The following ST6GALNAC3 variants were observed in gnomAD, a reference collection of about 807,000 sequenced individuals.
The protein encoded by ST6GALNAC3 is ST6 N-acetylgalactosaminide alpha-2,6-sialyltransferase 3.
A neutral mutation model predicts 32.7 loss-of-function variants in ST6GALNAC3; 25 were observed. That is an observed-to-expected ratio of 0.76 (90% confidence interval 0.56 to 1.07). ST6GALNAC3 has a LOEUF of 1.07. Among genes scored for constraint, ST6GALNAC3 ranks in the 50% least tolerant of loss-of-function variants. The pLI, the probability that ST6GALNAC3 is intolerant of heterozygous loss-of-function variation, is 0.00. For synonymous variants in ST6GALNAC3, 129 were observed against 133.1 expected (o/e 0.97, Z 0.21); for missense variants, 355 against 382.4 (o/e 0.93, Z 0.60).
intron 2 of ST6GALNAC3, among the ~76,000 whole-genome samples, chr1:76,374,801 A>C (rs553015709): frequency 7.2e-5 from 11 of 152,102 alleles, no homozygotes; most frequent in Non-Finnish European, 1.0e-4. Flanking sequence ...TTCAATCAAC[A>C]TTTTTATTCG....
chr1:76,554,957 T>C (rs748901984), intron 3 of ST6GALNAC3, among the ~76,000 whole-genome samples: 1 of 152,120 alleles, frequency 6.6e-6, no homozygotes, highest in African/African-American at 2.4e-5. Context: ...GAAACTGAGG[T>C]TCAAAACAGT....
At chr1:76,125,839 C>G (rs938889447) in intron 1 of ST6GALNAC3, among the ~76,000 whole-genome samples, 5 of 152,148 alleles carry the variant, frequency 3.3e-5, no homozygotes, top group Non-Finnish European at 5.9e-5. Context: ...CAGGATATGC[C>G]ATTTATGTTC....
At chr1:76,605,111 TAGAC>T (rs1647437614) in intron 3 of ST6GALNAC3, among the ~76,000 whole-genome samples, 1 of 152,190 alleles carries the variant, frequency 6.6e-6, no homozygotes, top group African/African-American at 2.4e-5. Context: ...ATACAGGTGA[TAGAC>T]AGCCTGTTAA....
At position 76,529,354 on chromosome 1, in the gene ST6GALNAC3, C is replaced by T. The variant is rs186200086; in HGVS notation, c.624-98098C>T. ...AGAAGCAGGAACCTTTTCTGTCTCACATGGATGTTGTAGGGATTAATGAAC... is the reference window on the plus strand; with the variant it reads ...AGAAGCAGGAACCTTTTCTGTCTCATATGGATGTTGTAGGGATTAATGAAC... On this transcript the variant is annotated intron_variant, in intron 3 of 4. Coordinates refer to ENST00000328299, the MANE Select transcript of ST6GALNAC3 (RefSeq NM_152996.4). 4.8e-4 allele frequency among the ~76,000 whole-genome samples: 73 copies of T among 152,184 alleles called. No individual in the cohort carries two copies. In the Middle Eastern group the frequency reaches 0.014, roughly 28 times the overall value.
chr1:76,168,001 AT>A (rs1264688305), intron 1 of ST6GALNAC3, among the ~76,000 whole-genome samples: 2 of 151,664 alleles, frequency 1.3e-5, no homozygotes, highest in African/African-American at 4.8e-5. Context: ...CTCAGCTCTG[AT>A]TTTGGTTATT....
intron 3 of ST6GALNAC3, among the ~76,000 whole-genome samples, chr1:76,521,841 G>A (rs968030344): frequency 6.6e-6 from 1 of 152,140 alleles, no homozygotes; most frequent in Non-Finnish European, 1.5e-5. Flanking sequence ...GGCCGAGGCA[G>A]GTGGATTGCC....
At chr1:76,468,027 T>C (rs1280933986) in intron 3 of ST6GALNAC3, among the ~76,000 whole-genome samples, 1 of 151,932 alleles carries the variant, frequency 6.6e-6, no homozygotes, top group Admixed American at 6.6e-5. Context: ...ATTTTCTTTT[T>C]TTCTAAAATT....
chr1:76,309,344 C>A (rs907227279), intron 1 of ST6GALNAC3, among the ~76,000 whole-genome samples: 4 of 152,106 alleles, frequency 2.6e-5, no homozygotes, highest in Non-Finnish European at 5.9e-5. Flanking sequence ...GATGTAAATT[C>A]TTTAGTATGT....
At chr1:76,490,098 G>A (rs1376645856) in intron 3 of ST6GALNAC3, among the ~76,000 whole-genome samples, 1 of 152,114 alleles carries the variant, frequency 6.6e-6, no homozygotes, top group South Asian at 2.1e-4. Flanking sequence ...CTGGGAGTTA[G>A]GGGTCAGTTA....
chr1:76,328,472 G>T (rs1647123233), intron 2 of ST6GALNAC3, among the ~76,000 whole-genome samples: 1 of 152,104 alleles, frequency 6.6e-6, no homozygotes, highest in African/African-American at 2.4e-5. Context: ...TTGCCATCTT[G>T]CTGATGAATT....
At chr1:76,249,050 G>C (rs895088489) in intron 1 of ST6GALNAC3, among the ~76,000 whole-genome samples, 2 of 152,182 alleles carry the variant, frequency 1.3e-5, no homozygotes, top group African/African-American at 4.8e-5. Context: ...GTGACCCTGA[G>C]AGATTAGGGT....
intron 3 of ST6GALNAC3, among the ~76,000 whole-genome samples, chr1:76,586,028 G>A (rs1224636229): frequency 6.6e-6 from 1 of 152,128 alleles, no homozygotes; most frequent in African/African-American, 2.4e-5. Context: ...CTTCTGACGA[G>A]GCCACGGGCT....
Position 76,351,201 on chromosome 1 carries a change from A to G in ST6GALNAC3, c.213+37202A>G, listed in dbSNP as rs141640640. ...CATTAGGCTTATGCTGGTTTTATAA[A>G]ATGAATAACTTTCTATCTTTTTGTT... On this transcript the variant is annotated intron_variant, in intron 2 of 4. Transcript: ENST00000328299. Among the ~76,000 whole-genome samples the G allele has an allele frequency of 2.4e-3, 368 of 152,284 alleles. 2 individuals carry two copies. The highest frequency in any genetic ancestry group is 0.01 in the Middle Eastern group (3 of 294).
chr1:76,142,085 G>A (rs1405975684), intron 1 of ST6GALNAC3, among the ~76,000 whole-genome samples: 1 of 152,180 alleles, frequency 6.6e-6, no homozygotes, highest in African/African-American at 2.4e-5. Flanking sequence ...GGGGGATGGA[G>A]CATTTAGTCA....
chr1:76,244,199 C>G (rs1299358554), intron 1 of ST6GALNAC3, among the ~76,000 whole-genome samples: 1 of 151,890 alleles, frequency 6.6e-6, no homozygotes, highest in African/African-American at 2.4e-5. Context: ...ATTTTATTCT[C>G]TTTGTAGCAA....
Position 76,254,798 on chromosome 1 carries a change from A to T in ST6GALNAC3, c.19-59007A>T, listed in dbSNP as rs555301044. Among the ~76,000 whole-genome samples, 12 of 152,238 alleles carry T rather than the reference A, an allele frequency of 7.9e-5. No homozygotes were observed. The South Asian group carries it at 2.5e-3, about 32-fold the overall frequency. ...AATTGGCTTTTATTAGTGATTCATG[A>T]ATCCGTTCGCATCCCATCTGTGAAG... is the stretch of plus-strand genomic sequence containing the variant. On this transcript the variant is annotated intron_variant, in intron 1 of 4. Coordinates refer to ENST00000328299, the MANE Select transcript of ST6GALNAC3 (RefSeq NM_152996.4).
intron 3 of ST6GALNAC3, among the ~76,000 whole-genome samples, chr1:76,490,839 CT>C (rs1006875657): frequency 6.8e-6 from 1 of 146,432 alleles, no homozygotes; most frequent in Non-Finnish European, 1.5e-5. Flanking sequence ...CATTTAGTTT[CT>C]TTTTTTTCTT....
Position 76,419,929 on chromosome 1 carries a change from GTTCT to G in ST6GALNAC3, c.623+7527_623+7530del, listed in dbSNP as rs1384113385. ...TTCTTTCTTTCTTTTGTTCTTGTTT[GTTCT>G]TTCTTTCTTTCTTTTTTTTTTTTTT... On this transcript the variant is annotated intron_variant, in intron 3 of 4. Transcript: ENST00000328299. 4.1e-5 allele frequency among the ~76,000 whole-genome samples: 6 copies of G among 145,202 alleles called. No individual in the cohort carries two copies. The South Asian group carries it at 6.8e-4, about 16-fold the overall frequency.
At chr1:76,511,517 G>T (rs315090) in intron 3 of ST6GALNAC3, among the ~76,000 whole-genome samples, 2 of 151,878 alleles carry the variant, frequency 1.3e-5, no homozygotes, top group Non-Finnish European at 2.9e-5. Flanking sequence ...AGCACAGCTC[G>T]GGTATTTATG....
Sources: allele counts gnomAD v4.1 joint callset (sites outside exome capture counted in the v4.1 genomes callset), GRCh38; gene constraint gnomAD v4.1.1; transcripts MANE v1.5; gene names NCBI Gene and HGNC (gene_info 2026-07-23, HGNC 2026-07-21).